Variants in KNDC1 observed in about 807,000 individuals in gnomAD.
The protein encoded by KNDC1 is kinase non-catalytic C-lobe domain containing 1, also known as kinase non-catalytic C-lobe domain-containing protein 1.
KNDC1 carries 106 observed loss-of-function variants against 172.8 expected under a neutral mutation model. The ratio of observed to expected loss-of-function variants is 0.61; its 90% CI spans 0.52 to 0.72. KNDC1 has a LOEUF of 0.72. KNDC1 is among the 30% of genes least tolerant of loss of function. The pLI is 0.00. For synonymous variants in KNDC1, 1,083 were observed against 1,062.2 expected (o/e 1.02, Z -0.38); for missense variants, 2,325 against 2,394.5 (o/e 0.97, Z 0.61).
intron 3 of KNDC1, 90 bp downstream of exon 3, chr10:133,168,402 C>T (rs527696798): frequency 4.3e-5 from 57 of 1,340,604 alleles, no homozygotes; most frequent in Middle Eastern, 1.8e-4. Context: ...TGCCTTGGGG[C>T]GACCTCTGCA....
chr10:133,194,844 G>T (rs560106661), intron 9 of KNDC1, among the ~76,000 whole-genome samples: 1 of 152,358 alleles, frequency 6.6e-6, no homozygotes, highest in Non-Finnish European at 1.5e-5. Context: ...ACTTAAAAGT[G>T]TGTCATGTCT....
In KNDC1 at chr10:133,209,107, GTGTGA is replaced by G. The variant is rs1845291740; in HGVS notation, c.3795-1499_3795-1495del. Among the ~76,000 whole-genome samples, 1 of 151,840 alleles carries G rather than the reference GTGTGA, an allele frequency of 6.6e-6. No homozygotes were observed. The highest frequency in any genetic ancestry group is 1.5e-5 in the Non-Finnish European group (1 of 67,944). On this transcript the variant is annotated intron_variant, in intron 20 of 29. Coordinates refer to ENST00000304613, the MANE Select transcript of KNDC1 (RefSeq NM_152643.8). The surrounding 1 kb of genome is among the most constrained non-coding windows in gnomAD (Gnocchi z 4.9). ...TGTGGCTTGCGTGCCCATGTATGGT[GTGTGA>G]TGTGGAGTATTGTGTGGCGTGTGTG...
Position 133,219,106 on chromosome 10 carries a change from GTGGCCGGGCGGCTT to G in KNDC1, c.4860+20_4860+33del. ...AGCCGTGGAGGTACCAGCACTTTAC[GTGGCCGGGCGGCTT>G]TGGTCCCCCGAGGCCCTCTCCTAAA... On this transcript the variant is annotated intron_variant, in intron 28 of 29. Coordinates refer to ENST00000304613, the MANE Select transcript of KNDC1 (RefSeq NM_152643.8). The G allele has an allele frequency of 6.2e-7, 1 of 1,611,368 alleles. No individual in the cohort carries two copies. Among genetic ancestry groups the G allele is most frequent in the South Asian group, 1.1e-5 (1 of 90,684 alleles).
Position 133,183,430 on chromosome 10 carries a change from C to A in KNDC1, c.447C>A (p.Asp149Glu). 6.2e-7 allele frequency: 1 copy of A among 1,605,640 alleles called. No homozygotes were observed. The highest frequency in any genetic ancestry group is 2.0e-4 in the Middle Eastern group (1 of 4,988). ...CACTGGAACCCAGGCTGAGCCAAGA[C>A]CTCGAGGCGCTGCTGAGCCGGATGC... ...EPTLEPRLSQ[D>E]LEALLSRMQA... The change falls in exon 4 of 30, where the codon GAC (aspartate) becomes GAA (glutamate). Residue 149 changes from aspartate (D) to glutamate (E), a missense_variant. Coordinates refer to ENST00000304613, the MANE Select transcript of KNDC1 (RefSeq NM_152643.8).
At chr10:133,203,991 C>T (rs1287874467) in intron 17 of KNDC1, among the ~76,000 whole-genome samples, 5 of 152,218 alleles carry the variant, frequency 3.3e-5, no homozygotes, top group South Asian at 2.1e-4. Context: ...TTCCTGGATG[C>T]GTCAGGGTAC....
rs1177526206 is a variant in KNDC1 at position 133,199,231 on chromosome 10, G to C, written c.2723G>C (p.Gly908Ala). The change falls in exon 14 of 30, where the codon GGC becomes GCC. Residue 908 changes from glycine to alanine, a missense_variant. Transcript: ENST00000304613. ...ATCCAGGAGGAATTTGCCTTCGATG[G>C]CTACCTGGACAATGGGCTGGAGGCT... is the stretch of plus-strand genomic sequence containing the variant. ...RLIQEEFAFDGYLDNGLEALI... is the reference protein window; with the variant it reads ...RLIQEEFAFDAYLDNGLEALI... The C allele has an allele frequency of 6.4e-7, 1 of 1,571,638 alleles. No homozygotes were observed. Among genetic ancestry groups the C allele is most frequent in the South Asian group, 1.2e-5 (1 of 86,472 alleles).
At chr10:133,176,698 C>T (rs1853547428) in intron 3 of KNDC1, among the ~76,000 whole-genome samples, 1 of 152,340 alleles carries the variant, frequency 6.6e-6, no homozygotes, top group African/African-American at 2.4e-5. Flanking sequence ...GGCCCCACTC[C>T]AGTTCCTTGA....
chr10:133,167,402 A>T lies in KNDC1; in HGVS notation c.124A>T (p.Ile42Phe). The change falls in exon 2 of 30, where the codon ATC becomes TTC. Residue 42 changes from isoleucine (I) to phenylalanine (F), a missense_variant. By Grantham distance (21) the Ile-to-Phe change is conservative. Transcript: ENST00000304613. ...GCAGGAGAACGTGTCTCTGGCTGAC[A>T]TCCTCTCCCTGCGGGACCGCGGCCT... ...EDEENVSLAD[I>F]LSLRDRGLSE... is the part of the protein sequence containing the mutation. 6.3e-7 allele frequency: 1 copy of T among 1,594,730 alleles called. No homozygotes were observed. Among genetic ancestry groups the T allele is most frequent in the Non-Finnish European group, 8.5e-7 (1 of 1,172,452 alleles).
At chr10:133,173,715 C>T (rs1042384400) in intron 3 of KNDC1, among the ~76,000 whole-genome samples, 3 of 152,220 alleles carry the variant, frequency 2.0e-5, no homozygotes, top group African/African-American at 4.8e-5. Flanking sequence ...GTCTGGACAG[C>T]GCAGAGCAGA....
chr10:133,184,182 A>G (rs897133315), intron 5 of KNDC1, among the ~76,000 whole-genome samples, 193 bp downstream of exon 5: 36 of 141,208 alleles, frequency 2.5e-4, no homozygotes, highest in East Asian at 6.1e-4. Flanking sequence ...CTATGCACAC[A>G]CACACCTATG....
chr10:133,177,609 T>C (rs1158468092), intron 3 of KNDC1, among the ~76,000 whole-genome samples: 2 of 151,942 alleles, frequency 1.3e-5, no homozygotes, highest in African/African-American at 2.4e-5. Flanking sequence ...GCATAATGCA[T>C]GTGCATGCAC....
intron 3 of KNDC1, among the ~76,000 whole-genome samples, chr10:133,176,845 C>A (rs1211367759): frequency 6.6e-6 from 1 of 152,234 alleles, no homozygotes; most frequent in Admixed American, 6.5e-5. Context: ...TGTGCTCAAG[C>A]CATTGGCCAC....
In KNDC1 at chr10:133,206,883, A is replaced by C; in HGVS notation, c.3509A>C (p.Lys1170Thr). ...TCCGACGTCAAGACCATGCTGTCCAAGCTGAAAGGGCAGCTAGAAGAAATG... is the reference window on the plus strand; with the variant it reads ...TCCGACGTCAAGACCATGCTGTCCACGCTGAAAGGGCAGCTAGAAGAAATG... ...KGSDVKTMLS[K>T]LKGQLEEMKS... Residue 1170 changes from lysine to threonine, a missense_variant, in exon 19 of 30, where the codon AAG becomes ACG. Coordinates refer to ENST00000304613, the MANE Select transcript of KNDC1 (RefSeq NM_152643.8). The C allele has an allele frequency of 6.2e-7, 1 of 1,614,158 alleles. No homozygotes were observed. The highest frequency in any genetic ancestry group is 8.5e-7 in the Non-Finnish European group (1 of 1,180,014).
intron 3 of KNDC1, among the ~76,000 whole-genome samples, chr10:133,171,405 G>A (rs1461766032): frequency 6.6e-6 from 1 of 151,972 alleles, no homozygotes; most frequent in East Asian, 1.9e-4. Context: ...CAAGTAGGTG[G>A]GGCTGCAAGT....
intron 3 of KNDC1, among the ~76,000 whole-genome samples, chr10:133,182,991 TGGGCACAGGCGGCAA>T (rs1853767804): frequency 3.4e-5 from 3 of 89,428 alleles, no homozygotes; most frequent in Admixed American, 1.1e-4. Flanking sequence ...ACAGGCGGCG[TGGGCACAGGCGGCAA>T]GGGCATGGGT....
intron 23 of KNDC1, among the ~76,000 whole-genome samples, chr10:133,212,223 T>C (rs1033826526): frequency 6.6e-6 from 1 of 150,562 alleles, no homozygotes; most frequent in African/African-American, 2.5e-5. Context: ...TATCCACACC[T>C]ACACGTGTGC....
At position 133,199,199 on chromosome 10, in the gene KNDC1, G is replaced by A. The variant is rs765247817; in HGVS notation, c.2691G>A (p.Thr897=). The change falls in exon 14 of 30, where the codon ACG becomes ACA. Residue 897 remains threonine (T), a synonymous_variant. Transcript: ENST00000304613. ...RTACPSLQEA[T]RLIQEEFAFD... ...CCTGCCCGTCGCTGCAGGAGGCCAC[G>A]CGCCTCATCCAGGAGGAATTTGCCT... is the stretch of plus-strand genomic sequence containing the variant. The A allele has an allele frequency of 1.1e-5, 18 of 1,583,838 alleles. No homozygotes were observed. The highest frequency in any genetic ancestry group is 2.7e-5 in the African/African-American group (2 of 74,394).
chr10:133,207,896 GC>G (rs1845248104), intron 20 of KNDC1, among the ~76,000 whole-genome samples: 1 of 152,212 alleles, frequency 6.6e-6, no homozygotes, highest in Admixed American at 6.5e-5. Context: ...CAGACCCCCG[GC>G]CGCCCCACCA....
chr10:133,213,361 G>C (rs966432131), intron 24 of KNDC1, among the ~76,000 whole-genome samples: 8 of 152,220 alleles, frequency 5.3e-5, no homozygotes, highest in Non-Finnish European at 1.2e-4. Context: ...CTCTTCCCAG[G>C]TCCCTGCCAT....
Sources: allele counts gnomAD v4.1 joint callset (sites outside exome capture counted in the v4.1 genomes callset), GRCh38; gene constraint gnomAD v4.1.1; non-coding constraint Gnocchi (gnomAD v3.1); transcripts MANE v1.5; gene names NCBI Gene and HGNC (gene_info 2026-07-23, HGNC 2026-07-21).